The following RALGAPB variants were observed in gnomAD, a reference collection of about 807,000 sequenced individuals.
The protein encoded by RALGAPB is ral GTPase-activating protein subunit beta.
A neutral mutation model predicts 161.1 loss-of-function variants in RALGAPB; 25 were observed. The observed-to-expected ratio is 0.16, with a 90% CI of 0.11 to 0.22. The LOEUF (loss-of-function observed/expected upper bound fraction) is 0.22, where lower values mean the gene tolerates loss of function less well. Among genes scored for constraint, RALGAPB ranks in the 10% least tolerant of loss-of-function variants. RALGAPB has a pLI of 1.00. For synonymous variants in RALGAPB, 629 were observed against 626.1 expected, an observed-to-expected ratio of 1.00 and a Z score of -0.07; for missense variants, 1,391 against 1,815.2, an observed-to-expected ratio of 0.77 and a Z score of 4.25.
chr20:38,510,927 G>C (rs901311242), intron 6 of RALGAPB, among the ~76,000 whole-genome samples: 1 of 148,774 alleles, frequency 6.7e-6, no homozygotes, highest in Non-Finnish European at 1.5e-5. Context: ...AAAAAAAAAA[G>C]AAAATCTTTT....
intron 21 of RALGAPB, among the ~76,000 whole-genome samples, chr20:38,552,440 C>T (rs180927647): frequency 2.0e-5 from 3 of 152,228 alleles, no homozygotes; most frequent in Admixed American, 1.3e-4. Flanking sequence ...CCATCGCACC[C>T]GGCCAGAAAA....
At chr20:38,479,338 G>T (rs547808011) in intron 1 of RALGAPB, among the ~76,000 whole-genome samples, 72 of 152,304 alleles carry the variant, frequency 4.7e-4, no homozygotes, top group African/African-American at 1.6e-3. Flanking sequence ...AAGCTCCTTG[G>T]GAACAGGGAT....
At chr20:38,555,256 C>T (rs1056625276) in intron 22 of RALGAPB, among the ~76,000 whole-genome samples, 3 of 152,212 alleles carry the variant, frequency 2.0e-5, no homozygotes, top group African/African-American at 4.8e-5. Flanking sequence ...TTGCTTATTG[C>T]ATAACTTGTC....
chr20:38,572,936 G>A (rs568867381), intron 28 of RALGAPB, among the ~76,000 whole-genome samples: 1 of 152,174 alleles, frequency 6.6e-6, no homozygotes, highest in Admixed American at 6.5e-5. Flanking sequence ...AATTCCTTCA[G>A]TCTCTTTTAA....
In RALGAPB at chr20:38,567,211, C is replaced by T; in HGVS notation, c.3933C>T (p.Asp1311=). The T allele has an allele frequency of 6.2e-7, 1 of 1,613,468 alleles. No homozygotes were observed. The highest frequency in any genetic ancestry group is 8.5e-7 in the Non-Finnish European group (1 of 1,179,648). Residue 1311 remains aspartate, a synonymous_variant, in exon 26 of 30, where the codon GAC becomes GAT. Transcript: ENST00000262879. ...LTLELFPNHT[D]NLNSSQRLSP... ...TTGAGCTTTTCCCCAATCATACAGA[C>T]AATCTTAATTCCTCACAGAGGGTAA...
chr20:38,475,748 G>A (rs991842002), intron 1 of RALGAPB, among the ~76,000 whole-genome samples: 2 of 151,626 alleles, frequency 1.3e-5, no homozygotes, highest in African/African-American at 4.8e-5. Context: ...CTGAGTAGCT[G>A]GGACTACAGG....
chr20:38,563,700 G>A (rs1035535536), intron 24 of RALGAPB, among the ~76,000 whole-genome samples: 3 of 152,198 alleles, frequency 2.0e-5, no homozygotes, highest in East Asian at 3.8e-4. Context: ...ATGGTTGCAA[G>A]TATCAGAAAA....
chr20:38,548,285 T>G (rs971795106), intron 19 of RALGAPB, among the ~76,000 whole-genome samples: 9 of 152,216 alleles, frequency 5.9e-5, no homozygotes, highest in Admixed American at 6.5e-5. Flanking sequence ...CTTTCTACAC[T>G]TAAGTTGTTC....
At position 38,575,193 on chromosome 20, in the gene RALGAPB, T is replaced by C. The variant is rs1429397547; in HGVS notation, c.*226T>C. On this transcript the variant is annotated 3_prime_UTR_variant, in exon 30 of 30. Transcript: ENST00000262879. ...CACACTCCTGCTGATAATGATGATA[T>C]ACATTTTAGCCATAAACTTTCTTTT... 100 of 473,084 alleles carry C rather than the reference T, an allele frequency of 2.1e-4. No individual in the cohort carries two copies. The highest frequency in any genetic ancestry group is 1.0e-4 in the South Asian group (3 of 29,100). The allele number at this position is 473,084 out of a possible 1,614,324, so 29.3% of individuals were successfully genotyped here. A position where few individuals can be genotyped will look rare whatever the true frequency, so the allele number is the denominator to read the frequency against.
intron 1 of RALGAPB, among the ~76,000 whole-genome samples, chr20:38,485,067 ATTTATATG>A (rs2085076449): frequency 6.6e-6 from 1 of 152,208 alleles, no homozygotes; most frequent in Admixed American, 6.5e-5. Context: ...GTCTTCCTCA[ATTTATATG>A]ATTAATTGCA....
intron 5 of RALGAPB, among the ~76,000 whole-genome samples, chr20:38,505,362 G>A (rs1234300375): frequency 6.6e-6 from 1 of 152,136 alleles, no homozygotes; most frequent in East Asian, 1.9e-4. Flanking sequence ...ACTTATAAGT[G>A]GGTGCTAAAC....
chr20:38,512,909 A>G (rs2037725163), intron 6 of RALGAPB, among the ~76,000 whole-genome samples: 4 of 152,072 alleles, frequency 2.6e-5, no homozygotes, highest in Admixed American at 2.0e-4. Flanking sequence ...ACAGGCGCCC[A>G]CCACCATGCC....
chr20:38,546,181 G>A lies in RALGAPB; in HGVS notation c.2715-62G>A, dbSNP rs2087155781. The A allele has an allele frequency of 8.7e-6, 14 of 1,605,854 alleles. No homozygotes were observed. In the South Asian group the frequency reaches 1.4e-4, roughly 17 times the overall value. On this transcript the variant is annotated intron_variant, in intron 18 of 29. Transcript: ENST00000262879. ...GAAGAGTGGAAGGGGACACATTGAT[G>A]CACAAGGTAAACTGAAGATTTTGCT...
In RALGAPB at chr20:38,535,109, C is replaced by T. The variant is rs773075896; in HGVS notation, c.2281C>T (p.Arg761Cys). Residue 761 changes from arginine to cysteine, a missense_variant, in exon 16 of 30, where the codon CGC becomes TGC. Transcript: ENST00000262879. ...AGATTCAGCTGCTGGGCTCCTGATTCGCAGCATTCATCTCGTCACCCAAAG... is the reference window on the plus strand; with the variant it reads ...AGATTCAGCTGCTGGGCTCCTGATTTGCAGCATTCATCTCGTCACCCAAAG... ...NTDSAAGLLI[R>C]SIHLVTQRLN... 13 of 1,613,836 alleles carry T rather than the reference C, an allele frequency of 8.1e-6. No homozygotes were observed. Among genetic ancestry groups the T allele is most frequent in the African/African-American group, 2.7e-5 (2 of 74,918 alleles).
intron 20 of RALGAPB, among the ~76,000 whole-genome samples, chr20:38,549,554 A>G (rs1476123318): frequency 7.7e-6 from 1 of 129,056 alleles, no homozygotes; most frequent in African/African-American, 2.6e-5. Context: ...AAAAAAATAT[A>G]TATATATATA....
chr20:38,515,822 T>C (rs2086108415), intron 6 of RALGAPB, among the ~76,000 whole-genome samples: 1 of 152,150 alleles, frequency 6.6e-6, no homozygotes, highest in African/African-American at 2.4e-5. Context: ...GCCTCGGCCT[T>C]GAACTCCTTG....
rs2088411282 is a variant in RALGAPB, at chr20:38,575,731, ACT to A, written c.*770_*771del. 1 of 151,882 alleles carries A rather than the reference ACT, an allele frequency of 6.6e-6. No homozygotes were observed. Among genetic ancestry groups the A allele is most frequent in the South Asian group, 2.1e-4 (1 of 4,810 alleles). 9.4% of individuals were successfully genotyped at this position (151,882 alleles called of 1,614,324 possible). On this transcript the variant is annotated 3_prime_UTR_variant, in exon 30 of 30. Coordinates refer to ENST00000262879, the MANE Select transcript of RALGAPB (RefSeq NM_020336.4). ...AGTTATAAGACAGCAGTGATACCCCACTCTCTCCATTATTGTCCAGCGGGGTG... is the reference window on the plus strand; with the variant it reads ...AGTTATAAGACAGCAGTGATACCCCACTCTCCATTATTGTCCAGCGGGGTG...
At chr20:38,534,001 T>TG (rs1423695427) in intron 15 of RALGAPB, among the ~76,000 whole-genome samples, 1 of 32,214 alleles carries the variant, frequency 3.1e-5, no homozygotes, top group Non-Finnish European at 6.0e-5. Flanking sequence ...TAGCTGGGGG[T>TG]GGGGGTGGGT....
intron 9 of RALGAPB, among the ~76,000 whole-genome samples, chr20:38,520,524 CTTTTTTTTTTT>C (rs775371608): frequency 1.4e-5 from 1 of 70,324 alleles, no homozygotes; most frequent in African/African-American, 5.8e-5. Flanking sequence ...TGTGTTTTGG[CTTTTTTTTTTT>C]TTTTTTTTTT....
Sources: gnomAD v4.1 joint callset for allele counts (sites outside exome capture counted in the v4.1 genomes callset) on GRCh38, gnomAD v4.1.1 for gene constraint, MANE v1.5 for transcripts, NCBI Gene and HGNC (gene_info 2026-07-23, HGNC 2026-07-21) for gene names.